The following GRIK3 variants were observed in gnomAD, a reference collection of about 807,000 sequenced individuals.
The protein encoded by GRIK3 is glutamate receptor ionotropic, kainate 3.
In GRIK3, 29 loss-of-function variants were observed where a neutral mutation model predicts 102.5. The observed-to-expected ratio is 0.28, with a 90% CI of 0.21 to 0.39. The LOEUF (loss-of-function observed/expected upper bound fraction) is 0.39. Among genes scored for constraint, GRIK3 ranks in the 10% least tolerant of loss-of-function variants. The pLI, the probability that GRIK3 is intolerant of heterozygous loss-of-function variation, is 1.00. For missense variants in GRIK3, 908 were observed against 1,252.4 expected, an observed-to-expected ratio of 0.73 and a Z score of 4.15; for synonymous variants, 511 against 504.9, an observed-to-expected ratio of 1.01 and a Z score of -0.16.
intron 1 of GRIK3, among the ~76,000 whole-genome samples, chr1:36,977,787 T>G (rs994284038): frequency 6.6e-6 from 1 of 152,182 alleles, no homozygotes; most frequent in Non-Finnish European, 1.5e-5. Flanking sequence ...ACCCACCCAT[T>G]AGCAGGACTC....
At chr1:36,920,323 C>T (rs151180271) in intron 1 of GRIK3, among the ~76,000 whole-genome samples, 5 of 152,310 alleles carry the variant, frequency 3.3e-5, no homozygotes, top group Admixed American at 1.3e-4. Context: ...GGAATTTTGC[C>T]TCCCAGGGCT....
At chr1:36,818,579 T>C (rs1642656222) in intron 12 of GRIK3, among the ~76,000 whole-genome samples, 1 of 152,276 alleles carries the variant, frequency 6.6e-6, no homozygotes, top group Non-Finnish European at 1.5e-5. Flanking sequence ...GTCCCTGCCC[T>C]GGCCTCTGCC....
chr1:36,976,075 G>A (rs1642193372), intron 1 of GRIK3, among the ~76,000 whole-genome samples: 1 of 152,214 alleles, frequency 6.6e-6, no homozygotes, highest in South Asian at 2.1e-4. Context: ...CCTGTGATGT[G>A]TTCTGGAAGC....
At chr1:36,940,043 C>T (rs901613592) in intron 1 of GRIK3, among the ~76,000 whole-genome samples, 6 of 152,240 alleles carry the variant, frequency 3.9e-5, no homozygotes, top group African/African-American at 1.4e-4. Flanking sequence ...AACACAGTCC[C>T]TCTGTCCTCA....
rs1369366393 is a variant in GRIK3 at position 36,817,176 on chromosome 1, C to A, written c.1975G>T (p.Ala659Ser). The change falls in exon 13 of 16, where the codon GCC becomes TCC. Residue 659 changes from alanine to serine, a missense_variant. This residue lies in a region of GRIK3 where 297 missense variants were observed against 362.7 expected (regional missense o/e 0.82). Transcript: ENST00000373091. ...IISSYTANLAAFLTVERMESP... is the reference protein window; with the variant it reads ...IISSYTANLASFLTVERMESP... The stretch of plus-strand genomic sequence containing the variant: ...TCCATGCGCTCCACGGTCAGAAAGG[C>A]AGCCAGGTTGGCCGTGTAGGAAGAG... 5 of 1,613,958 alleles carry A rather than the reference C, an allele frequency of 3.1e-6. No individual in the cohort carries two copies. The highest frequency in any genetic ancestry group is 4.2e-6 in the Non-Finnish European group (5 of 1,179,964).
chr1:36,964,870 C>T (rs1342662920), intron 1 of GRIK3, among the ~76,000 whole-genome samples: 2 of 152,200 alleles, frequency 1.3e-5, no homozygotes, highest in Non-Finnish European at 2.9e-5. Context: ...CATAGGAAGA[C>T]CCCCATAGTT....
chr1:36,941,994 G>C (rs1280549481), intron 1 of GRIK3, among the ~76,000 whole-genome samples: 1 of 152,156 alleles, frequency 6.6e-6, no homozygotes, highest in Admixed American at 6.5e-5. Context: ...ACTATCGTTA[G>C]AGAAATTCAT....
intron 1 of GRIK3, among the ~76,000 whole-genome samples, chr1:37,032,772 G>C (rs1223904671): frequency 6.6e-6 from 1 of 152,188 alleles, no homozygotes; most frequent in Non-Finnish European, 1.5e-5. Flanking sequence ...GTGTTCAAGA[G>C]GGTCCGGCTC....
chr1:37,023,250 C>T (rs768941831), intron 1 of GRIK3, among the ~76,000 whole-genome samples: 10 of 151,742 alleles, frequency 6.6e-5, no homozygotes, highest in Admixed American at 2.6e-4. Context: ...TCACTTGAAC[C>T]CAGGAGGCAG....
chr1:36,837,579 C>T (rs1391223271), intron 10 of GRIK3, among the ~76,000 whole-genome samples: 1 of 152,154 alleles, frequency 6.6e-6, no homozygotes, highest in Non-Finnish European at 1.5e-5. Flanking sequence ...GAGTGACCTT[C>T]CTCAAGTGCC....
intron 10 of GRIK3, among the ~76,000 whole-genome samples, chr1:36,827,864 A>G (rs1642771253): frequency 6.6e-6 from 1 of 152,032 alleles, no homozygotes; most frequent in Non-Finnish European, 1.5e-5. Flanking sequence ...ACACCCCATC[A>G]CTGACACTTG....
chr1:37,009,869 G>A (rs1477876098), intron 1 of GRIK3, among the ~76,000 whole-genome samples: 1 of 152,158 alleles, frequency 6.6e-6, no homozygotes, highest in Non-Finnish European at 1.5e-5. Context: ...GGATGCTGTG[G>A]GAGGAAGCAG....
intron 1 of GRIK3, among the ~76,000 whole-genome samples, chr1:36,982,138 C>G (rs562687195): frequency 1.6e-4 from 25 of 152,302 alleles, no homozygotes; most frequent in African/African-American, 5.3e-4. Context: ...TCCCACGCGG[C>G]ATGTCTCCAA....
intron 1 of GRIK3, among the ~76,000 whole-genome samples, chr1:36,909,358 G>A (rs1641320566): frequency 6.6e-6 from 1 of 151,398 alleles, no homozygotes. Context: ...GAGTGCAGTG[G>A]CACAATCTCG....
At chr1:37,033,938 C>A in intron 1 of GRIK3, 56 bp downstream of exon 1, 1 of 1,015,282 alleles carries the variant, frequency 9.8e-7, no homozygotes, top group African/African-American at 1.6e-5. Flanking sequence ...GGGAGGCCCC[C>A]TCATTCCCGC....
At chr1:37,024,882 G>C (rs1642751751) in intron 1 of GRIK3, among the ~76,000 whole-genome samples, 1 of 152,056 alleles carries the variant, frequency 6.6e-6, no homozygotes, top group South Asian at 2.1e-4. Flanking sequence ...AATGCATTGA[G>C]AGCTTCGTTT....
chr1:36,990,302 G>T (rs1004263837), intron 1 of GRIK3, among the ~76,000 whole-genome samples: 6 of 152,172 alleles, frequency 3.9e-5, no homozygotes, highest in Admixed American at 3.9e-4. Flanking sequence ...TGCTGTATCC[G>T]CTGAGCTAGG....
At chr1:36,926,342 TG>T (rs1641527083) in intron 1 of GRIK3, among the ~76,000 whole-genome samples, 1 of 151,768 alleles carries the variant, frequency 6.6e-6, no homozygotes, top group African/African-American at 2.4e-5. Context: ...GAACAATGCA[TG>T]TACTTGAGGT....
intron 1 of GRIK3, among the ~76,000 whole-genome samples, chr1:36,926,214 C>A (rs557961863): frequency 1.3e-5 from 2 of 152,216 alleles, no homozygotes; most frequent in South Asian, 4.1e-4. Flanking sequence ...GTGGTCCTGA[C>A]AAAAAGTTAG....
Sources: gnomAD v4.1 joint callset for allele counts (sites outside exome capture counted in the v4.1 genomes callset) on GRCh38, gnomAD v4.1.1 for gene constraint, gnomAD v4.1.1 regional missense constraint, MANE v1.5 for transcripts, NCBI Gene and HGNC (gene_info 2026-07-23, HGNC 2026-07-21) for gene names.